Variants in TMEM178B observed in about 807,000 individuals in gnomAD.
TMEM178B encodes the protein transmembrane protein 178B.
Under a neutral mutation model 31.0 loss-of-function variants are expected in TMEM178B, and 5 were observed. That is an observed-to-expected ratio of 0.16 (90% CI 0.08 to 0.34). The LOEUF (loss-of-function observed/expected upper bound fraction) is 0.34. Ranked by LOEUF, TMEM178B falls within the 10% of genes least tolerant of loss-of-function variation. The probability of loss-of-function intolerance (pLI) is 1.00; values close to 1 mark genes in which losing one functional copy is unlikely to be tolerated. For missense variants in TMEM178B, 275 were observed against 400.3 expected, an observed-to-expected ratio of 0.69 and a Z score of 2.67; for synonymous variants, 164 against 164.0, an observed-to-expected ratio of 1.00 and a Z score of 0.00.
chr7:141,266,230 G>T (rs1798092793), intron 2 of TMEM178B, among the ~76,000 whole-genome samples: 1 of 152,182 alleles, frequency 6.6e-6, no homozygotes, highest in East Asian at 1.9e-4. Flanking sequence ...TTCCCTCTGT[G>T]GGGGAGAATC....
chr7:141,178,121 T>C (rs565432604), intron 1 of TMEM178B, among the ~76,000 whole-genome samples: 1 of 152,336 alleles, frequency 6.6e-6, no homozygotes, highest in East Asian at 1.9e-4. Flanking sequence ...TTAGGAGCTC[T>C]TGTAGGGCAG....
intron 1 of TMEM178B, among the ~76,000 whole-genome samples, chr7:141,111,879 T>C (rs537645736): frequency 6.6e-6 from 1 of 152,356 alleles, no homozygotes; most frequent in Non-Finnish European, 1.5e-5. Flanking sequence ...TTTGCCTATA[T>C]CAATATTTTC....
At chr7:141,379,203 A>G (rs1257711881) in intron 2 of TMEM178B, among the ~76,000 whole-genome samples, 3 of 152,064 alleles carry the variant, frequency 2.0e-5, no homozygotes, top group Non-Finnish European at 4.4e-5. Flanking sequence ...ACAATGGCTC[A>G]TGCCTGTAAT....
At chr7:141,456,768 T>C (rs1320500033) in intron 3 of TMEM178B, among the ~76,000 whole-genome samples, 1 of 152,154 alleles carries the variant, frequency 6.6e-6, no homozygotes, top group Non-Finnish European at 1.5e-5. Flanking sequence ...AAGAGTTGGC[T>C]AGAAGAAGGT....
intron 2 of TMEM178B, among the ~76,000 whole-genome samples, chr7:141,403,472 C>T (rs1800825523): frequency 6.6e-6 from 1 of 152,182 alleles, no homozygotes; most frequent in South Asian, 2.1e-4. Flanking sequence ...ACGGCTCAGC[C>T]CCTACAGGGA....
At chr7:141,328,455 G>A (rs1360279177) in intron 2 of TMEM178B, among the ~76,000 whole-genome samples, 2 of 152,198 alleles carry the variant, frequency 1.3e-5, no homozygotes, top group African/African-American at 4.8e-5. Context: ...TCACTTTGAT[G>A]TGGTTGGAAG....
chr7:141,078,516 G>A (rs1344352042), intron 1 of TMEM178B, among the ~76,000 whole-genome samples: 1 of 152,128 alleles, frequency 6.6e-6, no homozygotes, highest in East Asian at 1.9e-4. Context: ...GGCACACATC[G>A]CTAGGATGAA....
In TMEM178B at chr7:141,140,197, C is replaced by T. The variant is rs143938585; in HGVS notation, c.382+65505C>T. ...ACTTCAGGCATCTGGACATTCTCTC[C>T]ATTCCTCAGATCTGCCAAGGTCCTT... On this transcript the variant is annotated intron_variant, in intron 1 of 3. Coordinates refer to ENST00000565468, the MANE Select transcript of TMEM178B (RefSeq NM_001195278.2). 6.2e-4 allele frequency among the ~76,000 whole-genome samples: 95 copies of T among 152,312 alleles called. No individual in the cohort carries two copies. The East Asian group carries it at 6.8e-3, about 11-fold the overall frequency.
intron 1 of TMEM178B, among the ~76,000 whole-genome samples, chr7:141,110,606 G>A (rs1267734448): frequency 6.6e-6 from 1 of 152,192 alleles, no homozygotes; most frequent in African/African-American, 2.4e-5. Context: ...CACCATCAGG[G>A]TAATGCCTGG....
intron 1 of TMEM178B, among the ~76,000 whole-genome samples, chr7:141,136,644 G>T (rs562947182): frequency 6.6e-6 from 1 of 152,204 alleles, no homozygotes; most frequent in East Asian, 1.9e-4. Context: ...TTAATATCCA[G>T]AATATATAAG....
intron 2 of TMEM178B, among the ~76,000 whole-genome samples, chr7:141,222,878 T>G (rs1448834283): frequency 6.6e-6 from 1 of 152,226 alleles, no homozygotes; most frequent in Non-Finnish European, 1.5e-5. Flanking sequence ...TTATCAGTGT[T>G]TGAGGTCCTC....
chr7:141,460,275 G>A (rs1241455836), intron 3 of TMEM178B, among the ~76,000 whole-genome samples: 1 of 152,174 alleles, frequency 6.6e-6, no homozygotes, highest in Non-Finnish European at 1.5e-5. Flanking sequence ...ACTTGCAGAT[G>A]GCCTCCCTCT....
Position 141,345,868 on chromosome 7 carries a change from C to T in TMEM178B, c.497-91740C>T, listed in dbSNP as rs534901787. Among the ~76,000 whole-genome samples the T allele has an allele frequency of 4.6e-5, 7 of 152,164 alleles. No individual in the cohort carries two copies. In the South Asian group the frequency reaches 1.0e-3, roughly 23 times the overall value. ...AATGAGACCTGCAATTTGGGCATGC[C>T]GTCACCAGTTCTTATCTTCCACCAC... On this transcript the variant is annotated intron_variant, in intron 2 of 3. Coordinates refer to ENST00000565468, the MANE Select transcript of TMEM178B (RefSeq NM_001195278.2).
In TMEM178B at chr7:141,475,798, T is replaced by C. The variant is rs921833013; in HGVS notation, c.*5012T>C. The C allele has an allele frequency of 1.3e-5, 2 of 152,136 alleles. No homozygotes were observed. The highest frequency in any genetic ancestry group is 4.8e-5 in the African/African-American group (2 of 41,430). 9.4% of individuals were successfully genotyped at this position (152,136 alleles called of 1,614,324 possible). On this transcript the variant is annotated 3_prime_UTR_variant, in exon 4 of 4. Transcript: ENST00000565468. ...CCTTCCTTTTCTTTCCTTTTTTTTT[T>C]TGGTCAGTTGCCATCTCAATCTAAT... is the stretch of plus-strand genomic sequence containing the variant.
At chr7:141,268,214 GA>G (rs35968915) in intron 2 of TMEM178B, among the ~76,000 whole-genome samples, 1 of 152,278 alleles carries the variant, frequency 6.6e-6, no homozygotes, top group South Asian at 2.1e-4. Flanking sequence ...ACATTAGTTT[GA>G]AAAAAGTCCC....
intron 1 of TMEM178B, among the ~76,000 whole-genome samples, chr7:141,180,666 T>C (rs1796512965): frequency 6.6e-6 from 1 of 152,154 alleles, no homozygotes. Flanking sequence ...TCCAAATTAA[T>C]ACAATGGGTT....
intron 3 of TMEM178B, among the ~76,000 whole-genome samples, chr7:141,449,544 G>A (rs762161902): frequency 3.3e-5 from 5 of 152,266 alleles, no homozygotes; most frequent in East Asian, 3.9e-4. Flanking sequence ...CGAAGCCACC[G>A]GGCACCAGGG....
At position 141,074,314 on chromosome 7, in the gene TMEM178B, G is replaced by A; in HGVS notation, c.4G>A (p.Ala2Thr). The change falls in exon 1 of 4, where the codon GCT becomes ACT. Residue 2 changes from alanine (A) to threonine (T), a missense_variant. Ala to Thr is a moderately conservative substitution (Grantham distance 58). Coordinates refer to ENST00000565468, the MANE Select transcript of TMEM178B (RefSeq NM_001195278.2). The surrounding 1 kb of genome is among the most constrained non-coding windows in gnomAD (Gnocchi z 5.1). MAAGRLLLYTGL... is the reference protein window; with the variant it reads MTAGRLLLYTGL... ...GGTGTAGCCGCCAAGCGGAGGCATG[G>A]CTGCCGGAAGGTTACTGCTCTACAC... 6.6e-7 allele frequency: 1 copy of A among 1,515,234 alleles called. No homozygotes were observed. The highest frequency in any genetic ancestry group is 8.8e-7 in the Non-Finnish European group (1 of 1,132,674). The allele number at this position is 1,515,234 out of a possible 1,614,324, so 93.9% of individuals were successfully genotyped here.
chr7:141,208,498 C>T (rs1310095571), intron 1 of TMEM178B, among the ~76,000 whole-genome samples: 1 of 152,240 alleles, frequency 6.6e-6, no homozygotes, highest in East Asian at 1.9e-4. Flanking sequence ...GACCTGCAGA[C>T]ACATGGATAA....
Sources: allele counts gnomAD v4.1 joint callset (sites outside exome capture counted in the v4.1 genomes callset), GRCh38; gene constraint gnomAD v4.1.1; non-coding constraint Gnocchi (gnomAD v3.1); transcripts MANE v1.5; gene names NCBI Gene and HGNC (gene_info 2026-07-23, HGNC 2026-07-21).